The following TUBG1 variants were observed in gnomAD, a reference collection of about 807,000 sequenced individuals.
TUBG1 encodes tubulin gamma 1.
Under a neutral mutation model 53.3 loss-of-function variants are expected in TUBG1, and 22 were observed. The observed-to-expected ratio is 0.41, with a 90% CI of 0.29 to 0.59. TUBG1 has a LOEUF of 0.59. Among genes scored for constraint, TUBG1 ranks in the 20% least tolerant of loss-of-function variants. The pLI is 0.26. For synonymous variants in TUBG1, 198 were observed against 236.7 expected (o/e 0.84, Z 1.50); for missense variants, 217 against 598.9 (o/e 0.36, Z 6.66).
intron 5 of TUBG1, 147 bp from the exon 6 acceptor site, chr17:42,612,800 C>A: frequency 8.6e-7 from 1 of 1,157,836 alleles, no homozygotes. Flanking sequence ...CTACAGACTT[C>A]CAAAAGTCAA....
intron 4 of TUBG1, 102 bp from the exon 5 acceptor site, chr17:42,612,325 C>T: frequency 7.1e-7 from 1 of 1,417,524 alleles, no homozygotes. Context: ...GGATGGGAAG[C>T]AAGGGCTCGG....
chr17:42,612,251 G>A, intron 4 of TUBG1, 108 bp downstream of exon 4: 1 of 1,346,316 alleles, frequency 7.4e-7, no homozygotes, highest in East Asian at 2.3e-5. Context: ...CTTTGCACTG[G>A]ACAGAAGCTA....
At chr17:42,613,130 A>G in intron 6 of TUBG1, 57 bp downstream of exon 6, 1 of 1,579,558 alleles carries the variant, frequency 6.3e-7, no homozygotes, top group Non-Finnish European at 8.6e-7. Context: ...ACTCGAGTCT[A>G]TTAAATCATT....
chr17:42,609,987 G>C, intron 1 of TUBG1, 121 bp from the exon 2 acceptor site: 1 of 1,357,700 alleles, frequency 7.4e-7, no homozygotes, highest in Non-Finnish European at 1.0e-6. Context: ...CCTCAGACAC[G>C]GGAGAGTCCT....
chr17:42,611,854 G>A (rs898657523), intron 3 of TUBG1, among the ~76,000 whole-genome samples: 1 of 151,322 alleles, frequency 6.6e-6, no homozygotes, highest in African/African-American at 2.4e-5. Flanking sequence ...AGACTCCATC[G>A]CAAAAAAAAA....
Position 42,613,958 on chromosome 17 carries a change from TC to T in TUBG1, c.805del (p.Leu269SerfsTer2). The T allele has an allele frequency of 6.2e-7, 1 of 1,614,024 alleles. No individual in the cohort carries two copies. ...ASLIPTPRLH[F>X]LMTGYTPLTT... ...CTCATTCCCACCCCACGGCTCCACTTCCTCATGACCGGCTACACCCCTCTCA... is the reference window on the plus strand; with the variant it reads ...CTCATTCCCACCCCACGGCTCCACTTCTCATGACCGGCTACACCCCTCTCA... On this transcript the variant is annotated frameshift_variant, in exon 8 of 11. Coordinates refer to ENST00000251413, the MANE Select transcript of TUBG1 (RefSeq NM_001070.5). LOFTEE classifies it high-confidence loss of function.
chr17:42,612,921 C>G (rs971554078), intron 5 of TUBG1, 26 bp from the exon 6 acceptor site: 1 of 1,613,366 alleles, frequency 6.2e-7, no homozygotes, highest in Non-Finnish European at 8.5e-7. Flanking sequence ...GTCTGTTGCC[C>G]TGATCCTTTC....
intron 3 of TUBG1, among the ~76,000 whole-genome samples, chr17:42,611,842 A>G (rs1293559844): frequency 6.6e-6 from 1 of 152,110 alleles, no homozygotes; most frequent in Non-Finnish European, 1.5e-5. Flanking sequence ...GGAGAAAGAG[A>G]GAGACTCCAT....
In TUBG1 at chr17:42,614,770, C is replaced by T; in HGVS notation, c.1159-74C>T. The stretch of plus-strand genomic sequence containing the variant: ...TTTTTTGCTGTGGGCATAGCCCAGC[C>T]TTGGTTCCCCAGCTTTCTGGGCCAC... On this transcript the variant is annotated intron_variant, in intron 10 of 10. Coordinates refer to ENST00000251413, the MANE Select transcript of TUBG1 (RefSeq NM_001070.5). The surrounding 1 kb of genome is among the most constrained non-coding windows in gnomAD (Gnocchi z 5.1). The T allele has an allele frequency of 2.5e-6, 4 of 1,609,580 alleles. No homozygotes were observed. Among genetic ancestry groups the T allele is most frequent in the South Asian group, 1.1e-5 (1 of 90,574 alleles).
In TUBG1 at chr17:42,614,269, G is replaced by A. The variant is rs1203383045; in HGVS notation, c.853G>A (p.Val285Met). The A allele has an allele frequency of 6.2e-7, 1 of 1,613,972 alleles. No individual in the cohort carries two copies. Among genetic ancestry groups the A allele is most frequent in the Admixed American group, 1.7e-5 (1 of 60,018 alleles). The stretch of plus-strand genomic sequence containing the variant: ...CTCACTGTCCTATCAGGTGGCCAGC[G>A]TGAGGAAGACCACGGTCCTGGATGT... ...PLTTDQSVAS[V>M]RKTTVLDVMR... is the part of the protein sequence containing the mutation. The change falls in exon 9 of 11, where the codon GTG becomes ATG. Residue 285 changes from valine (V) to methionine (M), a missense_variant. Physicochemically the swap from Val to Met is conservative, Grantham distance 21 (BLOSUM62 1). Transcript: ENST00000251413. The surrounding 1 kb of genome is among the most constrained non-coding windows in gnomAD (Gnocchi z 5.1).
Position 42,612,076 on chromosome 17 carries a change from G to A in TUBG1, c.332G>A (p.Gly111Glu). 1 of 1,614,042 alleles carries A rather than the reference G, an allele frequency of 6.2e-7. No individual in the cohort carries two copies. The highest frequency in any genetic ancestry group is 8.5e-7 in the Non-Finnish European group (1 of 1,179,972). The change falls in exon 4 of 11, where the codon GGA becomes GAA. Residue 111 changes from glycine (G) to glutamate (E), a missense_variant and splice_region_variant. Gly to Glu is a moderately conservative substitution (Grantham distance 98). Around this residue, in one of 4 missense-constraint regions of TUBG1, gnomAD observed 57 missense variants for 169.3 expected, o/e 0.34. Coordinates refer to ENST00000251413, the MANE Select transcript of TUBG1 (RefSeq NM_001070.5). ...TGACCCTCCCCTATGTCTGTACAGGGAGAAAAGATCCATGAGGACATTTTT... is the reference window on the plus strand; with the variant it reads ...TGACCCTCCCCTATGTCTGTACAGGAAGAAAAGATCCATGAGGACATTTTT... ...GNNWASGFSQ[G>E]EKIHEDIFDI...
Position 42,610,407 on chromosome 17 carries a change from G to T in TUBG1, c.163-16G>T. On this transcript the variant is annotated splice_polypyrimidine_tract_variant and intron_variant, in intron 2 of 10. Transcript: ENST00000251413. ...GCCCTAGCTGATTGGGCCCCCTCCT[G>T]GACTCCCCTTGACAGGCAGACGATG... 1 of 1,575,944 alleles carries T rather than the reference G, an allele frequency of 6.3e-7. No homozygotes were observed. Among genetic ancestry groups the T allele is most frequent in the Non-Finnish European group, 8.7e-7 (1 of 1,155,532 alleles).
chr17:42,613,763 C>G (rs749084901), intron 7 of TUBG1, 30 bp downstream of exon 7: 6 of 1,614,044 alleles, frequency 3.7e-6, no homozygotes, highest in Non-Finnish European at 5.1e-6. Flanking sequence ...CTCCTTTGGA[C>G]TTGAAGCCCT....
chr17:42,612,076 G>C lies in TUBG1; in HGVS notation c.332G>C (p.Gly111Ala). The change falls in exon 4 of 11, where the codon GGA becomes GCA. Residue 111 changes from glycine to alanine, a missense_variant and splice_region_variant. Coordinates refer to ENST00000251413, the MANE Select transcript of TUBG1 (RefSeq NM_001070.5). Reference protein sequence around the residue: ...GNNWASGFSQGEKIHEDIFDI... With the variant: ...GNNWASGFSQAEKIHEDIFDI... ...TGACCCTCCCCTATGTCTGTACAGG[G>C]AGAAAAGATCCATGAGGACATTTTT... 6.2e-7 allele frequency: 1 copy of C among 1,614,042 alleles called. No homozygotes were observed. Among genetic ancestry groups the C allele is most frequent in the Non-Finnish European group, 8.5e-7 (1 of 1,179,972 alleles).
chr17:42,615,062 T>C lies in TUBG1; in HGVS notation c.*21T>C. On this transcript the variant is annotated 3_prime_UTR_variant, in exon 11 of 11. Coordinates refer to ENST00000251413, the MANE Select transcript of TUBG1 (RefSeq NM_001070.5). ...AGTGAGTCCCCCAGGACAGGGACCC[T>C]CATCTGCCTTACTGGTTGGCCCAAG... The C allele has an allele frequency of 1.9e-6, 3 of 1,613,034 alleles. No individual in the cohort carries two copies. The highest frequency in any genetic ancestry group is 2.5e-6 in the Non-Finnish European group (3 of 1,179,256).
At position 42,613,890 on chromosome 17, in the gene TUBG1, C is replaced by T. The variant is rs2052055328; in HGVS notation, c.735C>T (p.Tyr245=). 6.2e-7 allele frequency: 1 copy of T among 1,614,210 alleles called. No individual in the cohort carries two copies. The highest frequency in any genetic ancestry group is 2.2e-5 in the East Asian group (1 of 44,888). The change falls in exon 8 of 11, where the codon TAC becomes TAT. Residue 245 remains tyrosine, a synonymous_variant. Coordinates refer to ENST00000251413, the MANE Select transcript of TUBG1 (RefSeq NM_001070.5). ...CAGCCAGCACCACCACCCTGCGCTA[C>T]CCTGGCTACATGAACAATGACCTCA... is the stretch of plus-strand genomic sequence containing the variant. ...IMSASTTTLR[Y]PGYMNNDLIG...
intron 7 of TUBG1, 53 bp downstream of exon 7, chr17:42,613,786 G>T (rs1322550344): frequency 9.9e-6 from 16 of 1,614,146 alleles, no homozygotes; most frequent in Non-Finnish European, 1.2e-5. Context: ...TTGTTGGAGG[G>T]TCATTTGGGG....
intron 3 of TUBG1, 84 bp from the exon 4 acceptor site, chr17:42,611,991 T>C: frequency 8.0e-7 from 1 of 1,246,360 alleles, no homozygotes; most frequent in Non-Finnish European, 1.2e-6. Flanking sequence ...CTGGGTGTTA[T>C]AAGGAGAATT....
Position 42,612,147 on chromosome 17 carries a change from AGT to A in TUBG1, c.399+7_399+8del. 1.2e-6 allele frequency: 2 copies of A among 1,614,028 alleles called. No homozygotes were observed. Among genetic ancestry groups the A allele is most frequent in the Non-Finnish European group, 1.7e-6 (2 of 1,179,946 alleles). ...AGATGGTAGTGACAGTCTAGAGGTA[AGT>A]GTCCCAGGAATGCTGGTAGGAGCCG... On this transcript the variant is annotated splice_donor_5th_base_variant and intron_variant, in intron 4 of 10. Transcript: ENST00000251413.
Sources: gnomAD v4.1 joint callset for allele counts (sites outside exome capture counted in the v4.1 genomes callset) on GRCh38, gnomAD v4.1.1 for gene constraint, gnomAD v4.1.1 regional missense constraint, Gnocchi (gnomAD v3.1) non-coding constraint, MANE v1.5 for transcripts, NCBI Gene and HGNC (gene_info 2026-07-23, HGNC 2026-07-21) for gene names.